The following PBX4 variants were observed in gnomAD, a reference collection of about 807,000 sequenced individuals.
The protein encoded by PBX4 is pre-B-cell leukemia transcription factor 4.
A neutral mutation model predicts 35.1 loss-of-function variants in PBX4; 26 were observed. The ratio of observed to expected loss-of-function variants is 0.74; its 90% confidence interval spans 0.54 to 1.03. The LOEUF (loss-of-function observed/expected upper bound fraction) is 1.03. Ranked by LOEUF, PBX4 falls within the 50% of genes least tolerant of loss-of-function variation. The pLI, the probability that PBX4 is intolerant of heterozygous loss-of-function variation, is 0.00. For missense variants in PBX4, 448 were observed against 504.3 expected (o/e 0.89, Z 1.07); for synonymous variants, 199 against 204.2 (o/e 0.97, Z 0.22).
chr19:19,605,431 TAATAATAATAATAATAAC>T (rs1015186694), intron 1 of PBX4, among the ~76,000 whole-genome samples: 1 of 138,660 alleles, frequency 7.2e-6, no homozygotes, highest in African/African-American at 2.5e-5. Context: ...ATAATAATAA[TAATAATAATAATAATAAC>T]AATAATAATA....
At chr19:19,592,996 A>G (rs1056619892) in intron 2 of PBX4, among the ~76,000 whole-genome samples, 4 of 152,162 alleles carry the variant, frequency 2.6e-5, no homozygotes, top group African/African-American at 9.6e-5. Flanking sequence ...AAAACGGGAG[A>G]AAAGGGTCTG....
At chr19:19,609,050 G>A (rs2061647439) in intron 1 of PBX4, among the ~76,000 whole-genome samples, 1 of 152,106 alleles carries the variant, frequency 6.6e-6, no homozygotes, top group East Asian at 1.9e-4. Context: ...TGTAAAGCCC[G>A]AGCCTGACTG....
At chr19:19,565,114 A>G in intron 5 of PBX4, 25 bp from the exon 6 acceptor site, 2 of 1,613,940 alleles carry the variant, frequency 1.2e-6, no homozygotes, top group Non-Finnish European at 1.7e-6. Context: ...GAGTCACTGG[A>G]GGAGCTGACC....
chr19:19,585,664 C>T (rs1210575145), intron 2 of PBX4, among the ~76,000 whole-genome samples: 4 of 152,228 alleles, frequency 2.6e-5, no homozygotes, highest in African/African-American at 9.6e-5. Context: ...TAACTGATGA[C>T]ATTCCACCAT....
chr19:19,601,957 G>C (rs2061600475), intron 1 of PBX4, among the ~76,000 whole-genome samples: 2 of 152,122 alleles, frequency 1.3e-5, no homozygotes, highest in South Asian at 4.1e-4. Flanking sequence ...TGGGCAACAT[G>C]GCGAGACAAT....
At chr19:19,567,574 G>A (rs1464446222) in intron 5 of PBX4, among the ~76,000 whole-genome samples, 4 of 152,134 alleles carry the variant, frequency 2.6e-5, no homozygotes, top group East Asian at 1.9e-4. Context: ...GTGGGAGGGC[G>A]GCACCCAGGC....
At chr19:19,591,762 G>A (rs927999427) in intron 2 of PBX4, among the ~76,000 whole-genome samples, 12 of 152,244 alleles carry the variant, frequency 7.9e-5, no homozygotes, top group African/African-American at 2.9e-4. Context: ...ACATTCCAAC[G>A]TGCCAGGCTG....
chr19:19,565,281 G>C (rs2061334946), intron 5 of PBX4, among the ~76,000 whole-genome samples, 192 bp from the exon 6 acceptor site: 1 of 152,218 alleles, frequency 6.6e-6, no homozygotes, highest in Non-Finnish European at 1.5e-5. Context: ...TGTCCACATG[G>C]GTTGAGGACA....
At chr19:19,569,727 T>C in intron 4 of PBX4, 143 bp from the exon 5 acceptor site, 11 of 1,165,816 alleles carry the variant, frequency 9.4e-6, no homozygotes, top group Non-Finnish European at 1.2e-5. Context: ...GTGGTCAACA[T>C]AGTGAAACCC....
intron 1 of PBX4, among the ~76,000 whole-genome samples, chr19:19,604,084 A>C (rs1035822576): frequency 6.6e-6 from 1 of 152,192 alleles, no homozygotes; most frequent in African/African-American, 2.4e-5. Flanking sequence ...TCTGTCATCC[A>C]AGCGTCCATT....
At chr19:19,573,389 C>T (rs1312356101) in intron 2 of PBX4, among the ~76,000 whole-genome samples, 2 of 149,646 alleles carry the variant, frequency 1.3e-5, no homozygotes, top group African/African-American at 2.5e-5. Flanking sequence ...TAGTGTCCCA[C>T]CTTCTCCAAA....
At chr19:19,612,242 A>G (rs533705737) in intron 1 of PBX4, among the ~76,000 whole-genome samples, 1 of 152,304 alleles carries the variant, frequency 6.6e-6, no homozygotes, top group East Asian at 1.9e-4. Flanking sequence ...GCACCACTGT[A>G]TCCCAGCGAG....
chr19:19,596,012 T>C (rs2061558617), intron 2 of PBX4, among the ~76,000 whole-genome samples: 1 of 151,852 alleles, frequency 6.6e-6, no homozygotes. Flanking sequence ...GTGGGAGTAT[T>C]GCTTGAGCCC....
chr19:19,587,708 T>C (rs1008812164), intron 2 of PBX4, among the ~76,000 whole-genome samples: 1 of 151,276 alleles, frequency 6.6e-6, no homozygotes, highest in Non-Finnish European at 1.5e-5. Flanking sequence ...AAGAACATGT[T>C]TTCCACTGAG....
At chr19:19,571,894 G>A (rs1024948351) in intron 2 of PBX4, among the ~76,000 whole-genome samples, 5 of 151,526 alleles carry the variant, frequency 3.3e-5, no homozygotes, top group Non-Finnish European at 4.4e-5. Context: ...TTAGCCAAGC[G>A]TGGTGGCGCC....
At chr19:19,570,321 G>T in intron 3 of PBX4, 22 bp from the exon 4 acceptor site, 1 of 1,576,208 alleles carries the variant, frequency 6.3e-7, no homozygotes, top group South Asian at 1.2e-5. Context: ...GCACAGACAC[G>T]CCGGCCTGTG....
intron 1 of PBX4, among the ~76,000 whole-genome samples, chr19:19,615,165 CAAAAAAAAAAAA>C (rs33921244): frequency 3.7e-5 from 2 of 54,156 alleles, no homozygotes; most frequent in Non-Finnish European, 3.2e-5. Context: ...ACCCTGTCTC[CAAAAAAAAAAAA>C]AAAAAAAAAA....
intron 2 of PBX4, among the ~76,000 whole-genome samples, chr19:19,580,304 C>T (rs1157700622): frequency 3.3e-5 from 5 of 152,206 alleles, no homozygotes; most frequent in African/African-American, 1.2e-4. Context: ...TTACTGAGCA[C>T]CTACTGAGTG....
intron 2 of PBX4, among the ~76,000 whole-genome samples, chr19:19,595,407 C>T (rs1461656589): frequency 6.6e-6 from 1 of 152,128 alleles, no homozygotes; most frequent in African/African-American, 2.4e-5. Flanking sequence ...GCTTACCACA[C>T]GAATGCTGAA....
Sources: gnomAD v4.1 joint callset for allele counts (sites outside exome capture counted in the v4.1 genomes callset) on GRCh38, gnomAD v4.1.1 for gene constraint, MANE v1.5 for transcripts, NCBI Gene and HGNC (gene_info 2026-07-23, HGNC 2026-07-21) for gene names.